Variants in VPS13C observed in about 807,000 individuals in gnomAD.
VPS13C encodes vacuolar protein sorting 13 homolog C.
A neutral mutation model predicts 456.8 loss-of-function variants in VPS13C; 358 were observed. The observed-to-expected ratio is 0.78, with a 90% CI of 0.72 to 0.86. VPS13C has a LOEUF of 0.86. Ranked by LOEUF, VPS13C falls within the 40% of genes least tolerant of loss-of-function variation. The pLI, the probability that VPS13C is intolerant of heterozygous loss-of-function variation, is 0.00. For missense variants in VPS13C, 4,818 were observed against 4,385.4 expected (o/e 1.10, Z -2.79); for synonymous variants, 1,578 against 1,486.7 (o/e 1.06, Z -1.41).
At chr15:61,923,460 C>A (rs931485846) in intron 53 of VPS13C, among the ~76,000 whole-genome samples, 7 of 152,100 alleles carry the variant, frequency 4.6e-5, no homozygotes, top group African/African-American at 9.7e-5. Context: ...TTTCTACAAA[C>A]CAAATCTGAG....
rs550356630 is a variant in VPS13C, at chr15:61,888,705, T to A, written c.9341+1460A>T. Among the ~76,000 whole-genome samples the A allele has an allele frequency of 4.5e-4, 68 of 152,146 alleles. No individual in the cohort carries two copies. In the South Asian group the frequency reaches 0.013, roughly 30 times the overall value. On this transcript the variant is annotated intron_variant, in intron 67 of 84. Transcript: ENST00000644861. ...GGTTTCCAAAGGTTTAGAAGAGGAA[T>A]GGAGGGATTAACAGGAGGAAGCTGA...
At chr15:62,033,378 A>T in intron 5 of VPS13C, 63 bp downstream of exon 5, 1 of 1,108,148 alleles carries the variant, frequency 9.0e-7, no homozygotes, top group South Asian at 1.8e-5. Flanking sequence ...CATCCTCTTT[A>T]AAGGATATTA....
intron 27 of VPS13C, among the ~76,000 whole-genome samples, chr15:61,971,665 T>C (rs1366514860): frequency 6.6e-6 from 1 of 152,168 alleles, no homozygotes; most frequent in African/African-American, 2.4e-5. Context: ...GGGAAGAAGA[T>C]TACAGTGACT....
intron 61 of VPS13C, among the ~76,000 whole-genome samples, chr15:61,914,493 C>CG (rs2043401069): frequency 6.6e-6 from 1 of 151,740 alleles, no homozygotes; most frequent in Non-Finnish European, 1.5e-5. Flanking sequence ...CGCTTGAACC[C>CG]GGGAGGCGGA....
intron 2 of VPS13C, among the ~76,000 whole-genome samples, chr15:62,042,472 G>A (rs1281470216): frequency 6.6e-6 from 1 of 151,900 alleles, no homozygotes; most frequent in Non-Finnish European, 1.5e-5. Context: ...TACGTAAACA[G>A]GAATTGAACA....
chr15:61,877,088 T>G (rs1230790399), intron 74 of VPS13C, 34 bp from the exon 75 acceptor site: 1 of 1,491,376 alleles, frequency 6.7e-7, no homozygotes, highest in Non-Finnish European at 9.1e-7. Flanking sequence ...TCAAAGATAC[T>G]AATATTATAT....
chr15:61,987,462 C>A (rs1319327217), intron 18 of VPS13C, among the ~76,000 whole-genome samples: 1 of 152,180 alleles, frequency 6.6e-6, no homozygotes, highest in African/African-American at 2.4e-5. Flanking sequence ...TGCAGGGGAA[C>A]TCCCATGTGT....
At chr15:61,924,418 C>T (rs561239220) in intron 53 of VPS13C, among the ~76,000 whole-genome samples, 3 of 152,274 alleles carry the variant, frequency 2.0e-5, no homozygotes, top group South Asian at 4.1e-4. Flanking sequence ...TTCTTTCTCC[C>T]GCATATGTCA....
intron 18 of VPS13C, among the ~76,000 whole-genome samples, chr15:61,985,445 T>C (rs913730579): frequency 2.6e-5 from 4 of 152,138 alleles, no homozygotes; most frequent in Middle Eastern, 3.4e-3. Flanking sequence ...TTAGTAGAGA[T>C]GGGGTTTCAC....
chr15:61,977,448 G>A (rs1348331872), intron 23 of VPS13C, among the ~76,000 whole-genome samples: 1 of 151,900 alleles, frequency 6.6e-6, no homozygotes, highest in African/African-American at 2.4e-5. Flanking sequence ...TTTGGAGAAT[G>A]TTCACATAAC....
intron 16 of VPS13C, among the ~76,000 whole-genome samples, chr15:61,998,590 G>C (rs972254701): frequency 6.6e-6 from 1 of 152,168 alleles, no homozygotes. Flanking sequence ...AAGGCACAGA[G>C]GGGTCAAACG....
chr15:62,034,528 A>C (rs1195445502), intron 4 of VPS13C, among the ~76,000 whole-genome samples: 2 of 151,732 alleles, frequency 1.3e-5, no homozygotes, highest in African/African-American at 4.8e-5. Context: ...AATTATACAC[A>C]TTTTTGAAAG....
chr15:61,951,704 T>A (rs113950626), intron 39 of VPS13C, 120 bp downstream of exon 39: 1 of 1,099,366 alleles, frequency 9.1e-7, no homozygotes, highest in Non-Finnish European at 1.2e-6. Context: ...TTTTGAAAAG[T>A]TGAGTTAATG....
At chr15:62,048,891 T>G (rs1423864385) in intron 1 of VPS13C, among the ~76,000 whole-genome samples, 1 of 152,246 alleles carries the variant, frequency 6.6e-6, no homozygotes, top group African/African-American at 2.4e-5. Flanking sequence ...TTTGGCTGCA[T>G]AAATGTCTTC....
rs536809121 is a variant in VPS13C at position 61,984,957 on chromosome 15, C to T, written c.1621G>A (p.Val541Ile). 6.2e-7 allele frequency: 1 copy of T among 1,605,584 alleles called. No individual in the cohort carries two copies. Residue 541 changes from valine (V) to isoleucine (I), a missense_variant, in exon 19 of 85, where the codon GTT becomes ATT. By Grantham distance (29) the Val-to-Ile change is conservative. Coordinates refer to ENST00000644861, the MANE Select transcript of VPS13C (RefSeq NM_020821.3). ...IMTLKLVSTSVTIRENKNIPE... is the reference protein window; with the variant it reads ...IMTLKLVSTSITIRENKNIPE... ...ATATTCTTGTTTTCTCTTATCGTAA[C>T]AGAGGTGCTTACTAACTTCAGGGTC...
chr15:61,945,473 C>T (rs1020616970), intron 45 of VPS13C, among the ~76,000 whole-genome samples: 1 of 152,148 alleles, frequency 6.6e-6, no homozygotes, highest in Non-Finnish European at 1.5e-5. Flanking sequence ...ATAAAACATA[C>T]ATTTAAAATG....
At chr15:61,980,692 A>T (rs2045856843) in intron 22 of VPS13C, among the ~76,000 whole-genome samples, 1 of 152,180 alleles carries the variant, frequency 6.6e-6, no homozygotes. Flanking sequence ...GTAATGTAGA[A>T]AAGACTACAA....
chr15:62,000,690 T>C (rs1596456621), intron 15 of VPS13C, 64 bp from the exon 16 acceptor site: 2 of 1,424,956 alleles, frequency 1.4e-6, no homozygotes, highest in East Asian at 4.9e-5. Flanking sequence ...AATTTTTCTT[T>C]CATGATTTCT....
chr15:62,049,179 A>G (rs571229217), intron 1 of VPS13C, among the ~76,000 whole-genome samples: 1 of 152,324 alleles, frequency 6.6e-6, no homozygotes, highest in African/African-American at 2.4e-5. Context: ...GTCCTTGCCC[A>G]TGCCTATGTC....
Sources: allele counts gnomAD v4.1 joint callset (sites outside exome capture counted in the v4.1 genomes callset), GRCh38; gene constraint gnomAD v4.1.1; transcripts MANE v1.5; gene names NCBI Gene and HGNC (gene_info 2026-07-23, HGNC 2026-07-21).